Variants in GUCY1A2 observed in about 807,000 individuals in gnomAD.
The protein encoded by GUCY1A2 is guanylate cyclase soluble subunit alpha-2.
GUCY1A2 carries 27 observed loss-of-function variants against 63.5 expected under a neutral mutation model. The ratio of observed to expected loss-of-function variants is 0.43; its 90% CI spans 0.31 to 0.59. GUCY1A2 has a LOEUF of 0.59. GUCY1A2 is among the 20% of genes least tolerant of loss of function. GUCY1A2 has a pLI of 0.11. For missense variants in GUCY1A2, 768 were observed against 913.3 expected, an observed-to-expected ratio of 0.84 and a Z score of 2.05; for synonymous variants, 364 against 343.5, an observed-to-expected ratio of 1.06 and a Z score of -0.66.
In GUCY1A2 at chr11:106,914,413, A is replaced by G. The variant is rs12282090; in HGVS notation, c.1206+25047T>C. On this transcript the variant is annotated intron_variant, in intron 4 of 7. Transcript: ENST00000526355. ...ACTCTGATGCCATCAACAAATGGTG[A>G]TAACAGCCAAGTAGGCAGATGTTTA... is the stretch of plus-strand genomic sequence containing the variant. 8.3e-3 allele frequency among the ~76,000 whole-genome samples: 1,260 copies of G among 152,274 alleles called. 12 individuals carry two copies. The highest frequency in any genetic ancestry group is 0.028 in the African/African-American group (1,169 of 41,566).
At chr11:106,908,718 T>C (rs1424638454) in intron 4 of GUCY1A2, among the ~76,000 whole-genome samples, 2 of 152,060 alleles carry the variant, frequency 1.3e-5, no homozygotes, top group African/African-American at 4.8e-5. Flanking sequence ...TTTAACAGCA[T>C]AACTTATTGA....
At chr11:106,728,436 T>C (rs1162126270) in intron 6 of GUCY1A2, among the ~76,000 whole-genome samples, 1 of 152,186 alleles carries the variant, frequency 6.6e-6, no homozygotes, top group African/African-American at 2.4e-5. Context: ...AGACACCTCT[T>C]TGGAACTCCA....
At chr11:106,811,463 T>C (rs537004288) in intron 4 of GUCY1A2, among the ~76,000 whole-genome samples, 1 of 152,230 alleles carries the variant, frequency 6.6e-6, no homozygotes, top group Admixed American at 6.6e-5. Context: ...GTTGGGACTG[T>C]GCATCAGTTT....
At chr11:106,826,812 A>T (rs1217688326) in intron 4 of GUCY1A2, 1 of 1,609,082 alleles carries the variant, frequency 6.2e-7, no homozygotes, top group Non-Finnish European at 8.5e-7. Context: ...GCCAGGATGT[A>T]GTACAGATGT....
chr11:107,008,996 G>A (rs377099782), intron 1 of GUCY1A2, among the ~76,000 whole-genome samples: 1 of 152,160 alleles, frequency 6.6e-6, no homozygotes, highest in Non-Finnish European at 1.5e-5. Flanking sequence ...GGACTTTATG[G>A]ACTTACAATT....
At chr11:106,738,809 T>C (rs1863636766) in intron 6 of GUCY1A2, among the ~76,000 whole-genome samples, 1 of 152,204 alleles carries the variant, frequency 6.6e-6, no homozygotes, top group South Asian at 2.1e-4. Flanking sequence ...GTAGTATTGT[T>C]TGAAGTCAGG....
intron 5 of GUCY1A2, among the ~76,000 whole-genome samples, chr11:106,791,016 A>T (rs939610202): frequency 1.3e-5 from 2 of 152,206 alleles, no homozygotes; most frequent in African/African-American, 4.8e-5. Flanking sequence ...TGTGTCTCCC[A>T]CAAGTCCACT....
In GUCY1A2 at chr11:106,918,419, C is replaced by G. The variant is rs531813717; in HGVS notation, c.1206+21041G>C. ...ACACACCATTTTTTAAAAAATCCTA[C>G]TCTTAAACAATGCATAATTCTACAT... On this transcript the variant is annotated intron_variant, in intron 4 of 7. Transcript: ENST00000526355. Among the ~76,000 whole-genome samples, 2 of 145,420 alleles carry G rather than the reference C, an allele frequency of 1.4e-5. 1 individual carries two copies. The highest frequency in any genetic ancestry group is 7.1e-3 in the Middle Eastern group (2 of 280).
chr11:106,978,176 A>AC (rs1861287294), intron 3 of GUCY1A2, among the ~76,000 whole-genome samples: 1 of 152,148 alleles, frequency 6.6e-6, no homozygotes, highest in Non-Finnish European at 1.5e-5. Flanking sequence ...GACCTGCTTC[A>AC]CTGACAAGGC....
chr11:106,871,615 C>CCT (rs1342252796), intron 4 of GUCY1A2, among the ~76,000 whole-genome samples: 1 of 152,094 alleles, frequency 6.6e-6, no homozygotes, highest in Non-Finnish European at 1.5e-5. Context: ...AAAATAATGA[C>CCT]CTCACCTTAA....
chr11:106,861,061 G>A (rs1171931220), intron 4 of GUCY1A2, among the ~76,000 whole-genome samples: 1 of 151,880 alleles, frequency 6.6e-6, no homozygotes, highest in African/African-American at 2.4e-5. Flanking sequence ...TTATCCTCCT[G>A]AGTCTCCTTG....
chr11:106,863,255 T>C (rs1225830583), intron 4 of GUCY1A2, among the ~76,000 whole-genome samples: 2 of 152,110 alleles, frequency 1.3e-5, no homozygotes, highest in Non-Finnish European at 2.9e-5. Flanking sequence ...TTTTCTTCTA[T>C]GGTTTTTTGG....
chr11:106,736,291 A>G (rs77280145), intron 6 of GUCY1A2, among the ~76,000 whole-genome samples: 11,684 of 152,112 alleles, frequency 0.077, 1,325 homozygotes, highest in African/African-American at 0.24. Context: ...TCTTTAATCT[A>G]TTTTGATTTG....
At chr11:106,911,441 TC>T (rs1273871616) in intron 4 of GUCY1A2, among the ~76,000 whole-genome samples, 1 of 152,128 alleles carries the variant, frequency 6.6e-6, no homozygotes, top group East Asian at 1.9e-4. Context: ...CTCTCCTTCT[TC>T]CCCGCTTCTT....
chr11:106,735,252 T>C (rs1202123829), intron 6 of GUCY1A2, among the ~76,000 whole-genome samples: 1 of 152,110 alleles, frequency 6.6e-6, no homozygotes, highest in East Asian at 1.9e-4. Context: ...TCTAAGTATA[T>C]TGTTGTACCG....
At chr11:106,855,894 T>TTTCTTTTTATTA (rs372010228) in intron 4 of GUCY1A2, among the ~76,000 whole-genome samples, 1 of 72,884 alleles carries the variant, frequency 1.4e-5, no homozygotes, top group Non-Finnish European at 2.6e-5. Context: ...TCTCTTGTAT[T>TTTCTTTTTATTA]TTATTTATTT....
intron 4 of GUCY1A2, among the ~76,000 whole-genome samples, chr11:106,932,917 G>A (rs967093249): frequency 7.9e-5 from 12 of 152,100 alleles, no homozygotes; most frequent in African/African-American, 2.2e-4. Context: ...CTAGCTGTAT[G>A]CAGGTGAATG....
chr11:106,684,883 A>G lies in GUCY1A2; in HGVS notation c.*2666T>C, dbSNP rs117472234. On this transcript the variant is annotated 3_prime_UTR_variant, in exon 8 of 8. Coordinates refer to ENST00000526355, the MANE Select transcript of GUCY1A2 (RefSeq NM_000855.3). ...CATATGAAATAACAAATGCCACCAC[A>G]TTGTTACAATCACAATTCCTAAGAG... 273 of 207,542 alleles carry G rather than the reference A, an allele frequency of 1.3e-3. 2 individuals are homozygous for G. Among genetic ancestry groups the G allele is most frequent in the South Asian group, 5.8e-3 (31 of 5,304 alleles). 12.9% of individuals were successfully genotyped at this position (207,542 alleles called of 1,614,324 possible). A position where few individuals can be genotyped will look rare whatever the true frequency, so the allele number is the denominator to read the frequency against.
chr11:106,904,460 G>A (rs959421789), intron 4 of GUCY1A2, among the ~76,000 whole-genome samples: 1 of 152,220 alleles, frequency 6.6e-6, no homozygotes, highest in South Asian at 2.1e-4. Flanking sequence ...TAACTCAGAA[G>A]TTTTCATGAA....
Sources: allele counts gnomAD v4.1 joint callset (sites outside exome capture counted in the v4.1 genomes callset), GRCh38; gene constraint gnomAD v4.1.1; transcripts MANE v1.5; gene names NCBI Gene and HGNC (gene_info 2026-07-23, HGNC 2026-07-21).